SLC26A8: variants seen among roughly 807,000 people sequenced by gnomAD.
The protein encoded by SLC26A8 is testis anion transporter 1.
Under a neutral mutation model 105.0 loss-of-function variants are expected in SLC26A8, and 70 were observed. That is an observed-to-expected ratio of 0.67 (90% CI 0.55 to 0.81). The LOEUF (loss-of-function observed/expected upper bound fraction) is 0.81. Among genes scored for constraint, SLC26A8 ranks in the 40% least tolerant of loss-of-function variants. The pLI, the probability that SLC26A8 is intolerant of heterozygous loss-of-function variation, is 0.00. For missense variants in SLC26A8, 998 were observed against 1,181.8 expected (o/e 0.84, Z 2.28); for synonymous variants, 415 against 438.3 (o/e 0.95, Z 0.66).
chr6:35,977,000 T>C (rs914429356), intron 9 of SLC26A8, among the ~76,000 whole-genome samples: 13 of 152,174 alleles, frequency 8.5e-5, no homozygotes, highest in Admixed American at 2.6e-4. Context: ...CTGTATCATA[T>C]CTGTTCTAGG....
chr6:36,023,405 C>T (rs375729857), intron 1 of SLC26A8, among the ~76,000 whole-genome samples: 11 of 151,764 alleles, frequency 7.2e-5, no homozygotes, highest in Non-Finnish European at 1.3e-4. Flanking sequence ...AAAAATTAGC[C>T]GAGCATGATG....
At chr6:35,973,426 G>A (rs1362976410) in intron 10 of SLC26A8, among the ~76,000 whole-genome samples, 1 of 152,216 alleles carries the variant, frequency 6.6e-6, no homozygotes, top group Non-Finnish European at 1.5e-5. Flanking sequence ...GTACAATGTA[G>A]TCTTATTCTA....
At chr6:35,987,880 T>C (rs995823604) in intron 7 of SLC26A8, among the ~76,000 whole-genome samples, 4 of 151,300 alleles carry the variant, frequency 2.6e-5, no homozygotes, top group African/African-American at 4.8e-5. Context: ...ATAATTCTCA[T>C]TGACACCCAA....
intron 3 of SLC26A8, among the ~76,000 whole-genome samples, chr6:36,007,923 G>A (rs529820686): frequency 4.6e-4 from 69 of 150,876 alleles, no homozygotes; most frequent in African/African-American, 1.1e-3. Flanking sequence ...AATCGAGACC[G>A]TCCTGGCTAA....
intron 10 of SLC26A8, among the ~76,000 whole-genome samples, chr6:35,973,899 G>T (rs1330317812): frequency 6.6e-6 from 1 of 152,188 alleles, no homozygotes; most frequent in African/African-American, 2.4e-5. Flanking sequence ...TCTGAATGCT[G>T]ACTCATTCCC....
At chr6:35,982,041 T>C (rs1381852853) in intron 8 of SLC26A8, 80 bp downstream of exon 8, 5 of 1,433,302 alleles carry the variant, frequency 3.5e-6, no homozygotes, top group African/African-American at 1.4e-5. Context: ...TAGTAGAAAA[T>C]ATCAATCAGG....
At chr6:35,985,517 AC>A (rs1773469680) in intron 7 of SLC26A8, among the ~76,000 whole-genome samples, 1 of 151,622 alleles carries the variant, frequency 6.6e-6, no homozygotes, top group South Asian at 2.1e-4. Flanking sequence ...ACATGGTGAA[AC>A]CCCATCTCTA....
intron 17 of SLC26A8, 161 bp downstream of exon 17, chr6:35,954,991 G>T (rs1772000243): frequency 2.6e-6 from 2 of 769,070 alleles, no homozygotes; most frequent in South Asian, 1.7e-5. Flanking sequence ...TTTTTATTTT[G>T]ATTGACCTTA....
At chr6:36,003,638 GATA>G (rs1307095615) in intron 3 of SLC26A8, among the ~76,000 whole-genome samples, 1 of 150,822 alleles carries the variant, frequency 6.6e-6, no homozygotes, top group Non-Finnish European at 1.5e-5. Context: ...TGGCGTTTAT[GATA>G]ATAATTTCTT....
chr6:35,969,974 T>C (rs1300034792), intron 10 of SLC26A8, among the ~76,000 whole-genome samples: 1 of 152,220 alleles, frequency 6.6e-6, no homozygotes. Flanking sequence ...CATAGTTTCC[T>C]TGATAAGCCC....
rs778766661 is a variant in SLC26A8 at position 35,959,671 on chromosome 6, G to A, written c.1731+43C>T. On this transcript the variant is annotated intron_variant, in intron 15 of 19. Transcript: ENST00000490799. The stretch of plus-strand genomic sequence containing the variant: ...AGAGTGGGAGAGAGATGCCAGTGGC[G>A]GGGAGTGGGCAGGTTGAGAAAGGCG... The A allele has an allele frequency of 1.7e-5, 27 of 1,604,396 alleles. No homozygotes were observed. In the East Asian group the frequency reaches 3.8e-4, roughly 23 times the overall value.
chr6:36,020,224 C>T (rs1762096820), intron 1 of SLC26A8, among the ~76,000 whole-genome samples: 2 of 152,184 alleles, frequency 1.3e-5, no homozygotes, highest in Admixed American at 1.3e-4. Flanking sequence ...GTCTGTTTGT[C>T]CATTGTCTGT....
chr6:35,954,642 C>G lies in SLC26A8; in HGVS notation c.2232+510G>C, dbSNP rs79271725. Among the ~76,000 whole-genome samples, 991 of 152,274 alleles carry G rather than the reference C, an allele frequency of 6.5e-3. 9 individuals carry two copies. The highest frequency in any genetic ancestry group is 0.019 in the South Asian group (90 of 4,812). ...TTACCAAACCAACCGCAGCTCAATA[C>G]ATCAGAATTGGTTCATTTTAGGCTG... On this transcript the variant is annotated intron_variant, in intron 17 of 19. Coordinates refer to ENST00000490799, the MANE Select transcript of SLC26A8 (RefSeq NM_052961.4).
At chr6:36,004,467 A>AT (rs1562065406) in intron 3 of SLC26A8, among the ~76,000 whole-genome samples, 2 of 151,784 alleles carry the variant, frequency 1.3e-5, no homozygotes, top group African/African-American at 2.4e-5. Context: ...CCTTTTTAAA[A>AT]TTTTTTTTGC....
At chr6:35,971,597 A>G (rs1204574158) in intron 10 of SLC26A8, among the ~76,000 whole-genome samples, 1 of 152,154 alleles carries the variant, frequency 6.6e-6, no homozygotes, top group East Asian at 1.9e-4. Flanking sequence ...AATTCTCACA[A>G]TGGGCAAATT....
chr6:35,993,246 T>G (rs1247810337), intron 5 of SLC26A8, among the ~76,000 whole-genome samples: 1 of 150,248 alleles, frequency 6.7e-6, no homozygotes, highest in Non-Finnish European at 1.5e-5. Context: ...CTCAAGTGAT[T>G]CTCCTGTTTT....
chr6:35,956,428 CA>C (rs56146863), intron 16 of SLC26A8, among the ~76,000 whole-genome samples: 49,394 of 105,812 alleles, frequency 0.47, 9,635 homozygotes, highest in Admixed American at 0.58. Flanking sequence ...ACCTTATGTC[CA>C]AAAAAAAAAA....
intron 17 of SLC26A8, among the ~76,000 whole-genome samples, chr6:35,952,744 G>A (rs1432201575): frequency 5.9e-5 from 9 of 151,980 alleles, no homozygotes; most frequent in South Asian, 2.1e-4. Context: ...GGCTGAGCGC[G>A]GTGGCTCATG....
At chr6:36,016,988 T>C (rs537324113) in intron 2 of SLC26A8, among the ~76,000 whole-genome samples, 1 of 151,614 alleles carries the variant, frequency 6.6e-6, no homozygotes, top group Admixed American at 6.6e-5. Flanking sequence ...CCTGACCAAT[T>C]TGATGAAACC....
Sources: allele counts gnomAD v4.1 joint callset (sites outside exome capture counted in the v4.1 genomes callset), GRCh38; gene constraint gnomAD v4.1.1; transcripts MANE v1.5; gene names NCBI Gene and HGNC (gene_info 2026-07-23, HGNC 2026-07-21).